The following RGS12 variants were observed in gnomAD, a reference collection of about 807,000 sequenced individuals.
RGS12 encodes the protein regulator of G protein signaling 12, also known as regulator of G-protein signaling 12.
RGS12 carries 66 observed loss-of-function variants against 120.1 expected under a neutral mutation model. The observed-to-expected ratio is 0.55, with a 90% CI of 0.45 to 0.67. The LOEUF (loss-of-function observed/expected upper bound fraction) is 0.67, where lower values mean the gene tolerates loss of function less well. RGS12 is among the 30% of genes least tolerant of loss of function. RGS12 has a pLI of 0.00. For missense variants in RGS12, 1,859 were observed against 1,957.7 expected, an observed-to-expected ratio of 0.95 and a Z score of 0.95; for synonymous variants, 827 against 804.7, an observed-to-expected ratio of 1.03 and a Z score of -0.47.
intron 17 of RGS12, among the ~76,000 whole-genome samples, chr4:3,434,504 G>A (rs1038699922): frequency 1.3e-5 from 2 of 152,158 alleles, no homozygotes; most frequent in African/African-American, 4.8e-5. Flanking sequence ...GTGCATATCT[G>A]TGTCTCGACA....
intron 3 of RGS12, among the ~76,000 whole-genome samples, chr4:3,373,905 A>G (rs185154327): frequency 2.0e-5 from 3 of 152,268 alleles, no homozygotes; most frequent in East Asian, 1.9e-4. Flanking sequence ...ATACATTTCT[A>G]TTTTCACCTC....
intron 3 of RGS12, among the ~76,000 whole-genome samples, chr4:3,345,254 G>C (rs2108785586): frequency 6.6e-6 from 1 of 152,282 alleles, no homozygotes; most frequent in Non-Finnish European, 1.5e-5. Flanking sequence ...GCAAGGTTGT[G>C]GTTTTGCAGT....
At chr4:3,340,629 C>G (rs1437488215) in intron 2 of RGS12, among the ~76,000 whole-genome samples, 1 of 152,228 alleles carries the variant, frequency 6.6e-6, no homozygotes, top group Non-Finnish European at 1.5e-5. Flanking sequence ...AGCAGAGACA[C>G]CAGGAAGCCA....
chr4:3,338,380 G>T (rs1010901122), intron 2 of RGS12, among the ~76,000 whole-genome samples: 1 of 152,362 alleles, frequency 6.6e-6, no homozygotes, highest in African/African-American at 2.4e-5. Flanking sequence ...GGCACTGAGA[G>T]TGGCCAAGAA....
chr4:3,372,787 C>T lies in RGS12; in HGVS notation c.1999-13629C>T, dbSNP rs1453786822. ...AGATTTGTCTTCATTTCTCTCAGCACGGGGTTGTCTTCAGGCTGCCAGAGC... is the reference window on the plus strand; with the variant it reads ...AGATTTGTCTTCATTTCTCTCAGCATGGGGTTGTCTTCAGGCTGCCAGAGC... On this transcript the variant is annotated intron_variant, in intron 3 of 17. Coordinates refer to ENST00000336727, the MANE Select transcript of RGS12 (RefSeq NM_001394154.1). This position sits in a 1 kb window ranked among gnomAD's most constrained non-coding sequence, Gnocchi z 4.3. Among the ~76,000 whole-genome samples the T allele has an allele frequency of 3.3e-5, 5 of 151,698 alleles. No individual in the cohort carries two copies. Among genetic ancestry groups the T allele is most frequent in the Admixed American group, 1.3e-4 (2 of 15,234 alleles).
intron 6 of RGS12, 116 bp downstream of exon 6, chr4:3,414,960 G>A: frequency 1.4e-6 from 1 of 716,732 alleles, no homozygotes; most frequent in Non-Finnish European, 2.4e-6. Flanking sequence ...TGTGTGTGAG[G>A]GGCGTGAGAG....
At position 3,431,956 on chromosome 4, in the gene RGS12, G is replaced by T. The variant is rs1456145850; in HGVS notation, c.4114+1001G>T. On this transcript the variant is annotated intron_variant, in intron 17 of 17. Transcript: ENST00000336727. ...ATCTGTACATATCTGGGCCTTTGGAGGCCACGTGTGGCATGGGAGGGGCTA... is the reference window on the plus strand; with the variant it reads ...ATCTGTACATATCTGGGCCTTTGGATGCCACGTGTGGCATGGGAGGGGCTA... 5.1e-6 allele frequency: 5 copies of T among 985,344 alleles called. No homozygotes were observed. In the African/African-American group the frequency reaches 7.0e-5, roughly 14 times the overall value. The allele number at this position is 985,344 out of a possible 1,614,324, so 61.0% of individuals were successfully genotyped here.
intron 2 of RGS12, among the ~76,000 whole-genome samples, chr4:3,331,006 C>T (rs954263480): frequency 6.6e-5 from 10 of 152,270 alleles, no homozygotes; most frequent in East Asian, 3.9e-4. Flanking sequence ...GCTGGACAGC[C>T]GTGTGTCTAG....
intron 17 of RGS12, chr4:3,431,862 C>T (rs563168114): frequency 6.9e-5 from 68 of 985,600 alleles, no homozygotes; most frequent in Non-Finnish European, 7.6e-5. Flanking sequence ...AGAGGCCTGC[C>T]GTGAGGTTTG....
intron 3 of RGS12, 149 bp from the exon 4 acceptor site, chr4:3,386,267 C>T (rs1444867343): frequency 1.8e-5 from 13 of 724,562 alleles, no homozygotes; most frequent in East Asian, 1.0e-4. Context: ...CTCATTGGGC[C>T]GTCTGGCTTT....
intron 2 of RGS12, among the ~76,000 whole-genome samples, chr4:3,335,476 G>T (rs749688302): frequency 6.6e-6 from 1 of 152,132 alleles, no homozygotes; most frequent in African/African-American, 2.4e-5. Flanking sequence ...CAGGGTCTCC[G>T]CATCACCTTC....
chr4:3,338,095 T>G (rs1560096418), intron 2 of RGS12, among the ~76,000 whole-genome samples: 1 of 152,216 alleles, frequency 6.6e-6, no homozygotes, highest in African/African-American at 2.4e-5. Flanking sequence ...AGTTTTGCTC[T>G]TGTTGCTCAG....
intron 3 of RGS12, among the ~76,000 whole-genome samples, chr4:3,373,202 C>T (rs1717227376): frequency 6.6e-6 from 1 of 152,250 alleles, no homozygotes. Context: ...ACTCTGGCTG[C>T]AGCCTTGGGC....
In RGS12 at chr4:3,388,764, G is replaced by T. The variant is rs541281585; in HGVS notation, c.2020+2327G>T. 7.5e-4 allele frequency among the ~76,000 whole-genome samples: 114 copies of T among 152,304 alleles called. 1 individual carries two copies. In the South Asian group the frequency reaches 0.014, roughly 19 times the overall value. On this transcript the variant is annotated intron_variant, in intron 4 of 17. Transcript: ENST00000336727. ...ACAGGAGCCTGGGCGGGGTCGGGGT[G>T]GGGGGGTGGTCCCAGGGAAACTCTG...
chr4:3,413,972 A>T lies in RGS12; in HGVS notation c.2021-100A>T. ...ACTGAATGGGTGTTGGAGGGGACAG[A>T]GCTTGCTGCGTGTCCCAGGGTCTCC... is the stretch of plus-strand genomic sequence containing the variant. On this transcript the variant is annotated intron_variant, in intron 4 of 17. Transcript: ENST00000336727. 3 of 1,263,406 alleles carry T rather than the reference A, an allele frequency of 2.4e-6. No individual in the cohort carries two copies. The South Asian group carries it at 4.4e-5, about 18-fold the overall frequency. The allele number at this position is 1,263,406 out of a possible 1,614,324, so 78.3% of individuals were successfully genotyped here.
intron 2 of RGS12, among the ~76,000 whole-genome samples, chr4:3,323,542 C>T (rs1395631954): frequency 6.6e-6 from 1 of 152,214 alleles, no homozygotes; most frequent in Admixed American, 6.5e-5. Flanking sequence ...ACAAATTTCT[C>T]ATGTACATAG....
intron 3 of RGS12, among the ~76,000 whole-genome samples, chr4:3,354,521 C>G (rs918978138): frequency 6.6e-6 from 1 of 152,134 alleles, no homozygotes; most frequent in Admixed American, 6.5e-5. Flanking sequence ...TGTGCTGGAC[C>G]GTAAAGCAAG....
At chr4:3,294,748 A>G (rs746659751) in intron 1 of RGS12, among the ~76,000 whole-genome samples, 1 of 152,232 alleles carries the variant, frequency 6.6e-6, no homozygotes, top group Non-Finnish European at 1.5e-5. Flanking sequence ...ACCTGCCATC[A>G]GACAGGCTTA....
intron 2 of RGS12, among the ~76,000 whole-genome samples, chr4:3,323,366 ATGC>A (rs758253294): frequency 1.6e-4 from 24 of 152,352 alleles, no homozygotes; most frequent in Non-Finnish European, 2.9e-4. Context: ...AGAGCCTTAG[ATGC>A]TGCTGCTGCC....
Sources: allele counts gnomAD v4.1 joint callset (sites outside exome capture counted in the v4.1 genomes callset), GRCh38; gene constraint gnomAD v4.1.1; non-coding constraint Gnocchi (gnomAD v3.1); transcripts MANE v1.5; gene names NCBI Gene and HGNC (gene_info 2026-07-23, HGNC 2026-07-21).